Variants in TMEM117 observed in about 807,000 individuals in gnomAD.
TMEM117 encodes the protein transmembrane protein 117.
Under a neutral mutation model 52.4 loss-of-function variants are expected in TMEM117, and 27 were observed. That is an observed-to-expected ratio of 0.51 (90% CI 0.38 to 0.71). The LOEUF (loss-of-function observed/expected upper bound fraction) is 0.71. TMEM117 is among the 30% of genes least tolerant of loss of function. The pLI is 0.00. For missense variants in TMEM117, 556 were observed against 630.5 expected, an observed-to-expected ratio of 0.88 and a Z score of 1.26; for synonymous variants, 215 against 206.3, an observed-to-expected ratio of 1.04 and a Z score of -0.36.
intron 2 of TMEM117, among the ~76,000 whole-genome samples, chr12:43,865,131 AC>A (rs1349736450): frequency 6.6e-6 from 1 of 152,170 alleles, no homozygotes; most frequent in African/African-American, 2.4e-5. Context: ...TGTAACACTC[AC>A]TGCGAGGGTC....
rs370213932 is a variant in TMEM117 at position 44,327,870 on chromosome 12, A to G, written c.768+28131A>G. Among the ~76,000 whole-genome samples, 28 of 152,244 alleles carry G rather than the reference A, an allele frequency of 1.8e-4. No individual in the cohort carries two copies. In the South Asian group the frequency reaches 5.6e-3, roughly 30 times the overall value. On this transcript the variant is annotated intron_variant, in intron 6 of 7. Coordinates refer to ENST00000266534, the MANE Select transcript of TMEM117 (RefSeq NM_032256.3). ...CAGAAGCCCCTAATATTTTAATTCC[A>G]TATCTCCACACTTCCTGAGCTGGCT...
chr12:44,145,283 A>G (rs1292067677), intron 4 of TMEM117, among the ~76,000 whole-genome samples: 1 of 152,198 alleles, frequency 6.6e-6, no homozygotes, highest in African/African-American at 2.4e-5. Context: ...ATTTTTTGAC[A>G]TTAATTATGC....
At chr12:44,067,431 TAAG>T (rs1369935938) in intron 3 of TMEM117, among the ~76,000 whole-genome samples, 3 of 152,192 alleles carry the variant, frequency 2.0e-5, no homozygotes, top group Non-Finnish European at 4.4e-5. Context: ...TCGTAAATAA[TAAG>T]ACTTGACAGT....
chr12:44,358,581 C>T (rs1410522450), intron 6 of TMEM117, among the ~76,000 whole-genome samples: 1 of 152,082 alleles, frequency 6.6e-6, no homozygotes, highest in East Asian at 1.9e-4. Context: ...TTAACCCTGG[C>T]TCTGTAAGTT....
At chr12:44,115,899 C>G (rs979922407) in intron 3 of TMEM117, among the ~76,000 whole-genome samples, 1 of 152,168 alleles carries the variant, frequency 6.6e-6, no homozygotes, top group Admixed American at 6.5e-5. Flanking sequence ...ACTAGAAACA[C>G]GATCGTGTCT....
At chr12:44,095,875 G>A (rs1947751182) in intron 3 of TMEM117, among the ~76,000 whole-genome samples, 2 of 152,090 alleles carry the variant, frequency 1.3e-5, no homozygotes, top group African/African-American at 2.4e-5. Context: ...AGGGCAATTA[G>A]GCAGGAGAAG....
At chr12:44,390,199 G>GACACACAC (rs58917894), downstream of TMEM117, among the ~76,000 whole-genome samples, 779 of 143,676 alleles carry the variant, frequency 5.4e-3, 2 homozygotes, top group Middle Eastern at 7.1e-3. Context: ...AAACATATCT[G>GACACACAC]ACACACACAC....
Position 44,086,953 on chromosome 12 carries a change from A to T in TMEM117, c.411-56572A>T, listed in dbSNP as rs12311420. 6.0e-3 allele frequency among the ~76,000 whole-genome samples: 883 copies of T among 147,484 alleles called. 14 individuals are homozygous for T. Among genetic ancestry groups the T allele is most frequent in the African/African-American group, 0.02 (832 of 40,684 alleles). On this transcript the variant is annotated intron_variant, in intron 3 of 7. Transcript: ENST00000266534. ...ACTTTATAATTATAAATTATATAAT[A>T]TATAATTAATAATTATAAATTATAT... is the stretch of plus-strand genomic sequence containing the variant.
chr12:43,913,400 A>C (rs1944549095), intron 2 of TMEM117, among the ~76,000 whole-genome samples: 1 of 152,192 alleles, frequency 6.6e-6, no homozygotes, highest in South Asian at 2.1e-4. Flanking sequence ...CTTACTGTAT[A>C]TATATTCATA....
intron 3 of TMEM117, among the ~76,000 whole-genome samples, chr12:43,992,138 A>C (rs960583097): frequency 1.3e-5 from 2 of 151,484 alleles, no homozygotes; most frequent in African/African-American, 4.9e-5. Context: ...ACTCCAGTAC[A>C]CTCCAGTCTG....
At chr12:44,057,413 C>A (rs1947073090) in intron 3 of TMEM117, among the ~76,000 whole-genome samples, 1 of 151,890 alleles carries the variant, frequency 6.6e-6, no homozygotes, top group Non-Finnish European at 1.5e-5. Context: ...GAGATAGCAG[C>A]ATGATATGAT....
chr12:44,332,675 G>T (rs1951286613), intron 6 of TMEM117, among the ~76,000 whole-genome samples: 1 of 149,870 alleles, frequency 6.7e-6, no homozygotes, highest in South Asian at 2.1e-4. Flanking sequence ...CTTCCAGCTA[G>T]GAGCTTATAA....
At chr12:44,154,090 C>G (rs957347410) in intron 4 of TMEM117, among the ~76,000 whole-genome samples, 2 of 151,996 alleles carry the variant, frequency 1.3e-5, no homozygotes, top group African/African-American at 4.8e-5. Context: ...CCTGGACCTG[C>G]CTCCACGATC....
At chr12:44,083,078 T>A (rs189897591) in intron 3 of TMEM117, among the ~76,000 whole-genome samples, 1 of 152,296 alleles carries the variant, frequency 6.6e-6, no homozygotes. Context: ...TTTCTATCGG[T>A]GGATATTTGG....
chr12:43,852,719 T>A (rs1434292765), intron 2 of TMEM117, among the ~76,000 whole-genome samples: 1 of 152,260 alleles, frequency 6.6e-6, no homozygotes, highest in Non-Finnish European at 1.5e-5. Flanking sequence ...TAGCTTTATC[T>A]GAGGATGGAT....
intron 3 of TMEM117, among the ~76,000 whole-genome samples, chr12:44,062,042 C>A (rs1228873896): frequency 1.3e-5 from 2 of 152,082 alleles, no homozygotes; most frequent in African/African-American, 4.8e-5. Context: ...CCTAGATCAA[C>A]TTCATTATAT....
At chr12:44,351,510 A>C (rs554387205) in intron 6 of TMEM117, among the ~76,000 whole-genome samples, 43 of 151,932 alleles carry the variant, frequency 2.8e-4, no homozygotes, top group Non-Finnish European at 5.0e-4. Flanking sequence ...TTAAACCTTT[A>C]ATTCATTTTG....
chr12:44,059,342 G>C (rs1273594857), intron 3 of TMEM117, among the ~76,000 whole-genome samples: 12 of 152,146 alleles, frequency 7.9e-5, no homozygotes, highest in Non-Finnish European at 1.6e-4. Flanking sequence ...AGATTAAAAA[G>C]AAAATGTGTA....
intron 1 of TMEM117, among the ~76,000 whole-genome samples, chr12:43,842,481 GCTTT>G: frequency 6.9e-6 from 1 of 145,458 alleles, no homozygotes; most frequent in African/African-American, 2.7e-5. Context: ...TGTTTATATT[GCTTT>G]TGTAAAATAG....
Sources: gnomAD v4.1 joint callset for allele counts (sites outside exome capture counted in the v4.1 genomes callset) on GRCh38, gnomAD v4.1.1 for gene constraint, MANE v1.5 for transcripts, NCBI Gene and HGNC (gene_info 2026-07-23, HGNC 2026-07-21) for gene names.